The following KIAA1549 variants were observed in gnomAD, a reference collection of about 807,000 sequenced individuals.
KIAA1549 encodes the protein UPF0606 protein KIAA1549.
In KIAA1549, 70 loss-of-function variants were observed where a neutral mutation model predicts 156.4. The ratio of observed to expected loss-of-function variants is 0.45; its 90% CI spans 0.37 to 0.55. The LOEUF (loss-of-function observed/expected upper bound fraction) is 0.55. KIAA1549 is among the 20% of genes least tolerant of loss of function. The probability of loss-of-function intolerance (pLI) is 0.00; values close to 1 mark genes in which losing one functional copy is unlikely to be tolerated. For synonymous variants in KIAA1549, 1,103 were observed against 1,066.4 expected (o/e 1.03, Z -0.67); for missense variants, 2,428 against 2,540.9 (o/e 0.96, Z 0.96).
intron 17 of KIAA1549, among the ~76,000 whole-genome samples, chr7:138,848,725 T>C (rs1436517638): frequency 6.6e-6 from 1 of 152,214 alleles, no homozygotes; most frequent in Non-Finnish European, 1.5e-5. Context: ...TCTATTTTTT[T>C]AGAAGAGTTT....
chr7:138,895,073 C>T (rs1811646785), intron 9 of KIAA1549, among the ~76,000 whole-genome samples: 1 of 152,196 alleles, frequency 6.6e-6, no homozygotes, highest in African/African-American at 2.4e-5. Flanking sequence ...CTCCAAGTTT[C>T]TCATGTTCAC....
At chr7:138,874,134 C>A (rs1811015276) in intron 12 of KIAA1549, among the ~76,000 whole-genome samples, 2 of 149,090 alleles carry the variant, frequency 1.3e-5, no homozygotes, top group South Asian at 4.2e-4. Flanking sequence ...CTATGCATTG[C>A]ACAATTTTTC....
chr7:138,948,456 T>C (rs1049483250), intron 1 of KIAA1549, among the ~76,000 whole-genome samples: 3 of 152,274 alleles, frequency 2.0e-5, no homozygotes, highest in East Asian at 3.9e-4. Flanking sequence ...AGAGGTAGCA[T>C]GGCCCCGCCA....
At chr7:138,844,525 G>A (rs1452078461) in intron 17 of KIAA1549, 51 bp from the exon 18 acceptor site, 11 of 1,452,720 alleles carry the variant, frequency 7.6e-6, no homozygotes, top group Admixed American at 2.7e-5. Context: ...CCCTGGCCTT[G>A]GTATTCCATG....
chr7:138,831,761 A>C lies in KIAA1549; in HGVS notation c.*6145T>G. ...AAACATGGACCTTGACAAAGGAGGG[A>C]GAGACAAGTCAGTACTCCAGGGCAG... On this transcript the variant is annotated 3_prime_UTR_variant, in exon 20 of 20. Transcript: ENST00000422774. 4.3e-6 allele frequency: 1 copy of C among 232,140 alleles called. No individual in the cohort carries two copies. Among genetic ancestry groups the C allele is most frequent in the Non-Finnish European group, 8.5e-6 (1 of 117,352 alleles). 14.4% of individuals were successfully genotyped at this position (232,140 alleles called of 1,614,324 possible).
At position 138,918,436 on chromosome 7, in the gene KIAA1549, G is replaced by C; in HGVS notation, c.1190C>G (p.Ser397Ter). ...SSKTSELHSN[S>*]ALPGPVDNTH... ...GTTGTCCACAGGACCGGGGAGGGCT[G>C]AATTGCTATGCAATTCGGATGTTTT... is the stretch of plus-strand genomic sequence containing the variant. Residue 397 changes from serine to a stop codon, truncating the protein, a stop_gained, in exon 2 of 20, where the codon TCA (serine) becomes TGA (stop). Transcript: ENST00000422774. LOFTEE classifies it high-confidence loss of function. The surrounding 1 kb of genome is among the most constrained non-coding windows in gnomAD (Gnocchi z 4.2). 6.2e-7 allele frequency: 1 copy of C among 1,613,998 alleles called. No individual in the cohort carries two copies. The highest frequency in any genetic ancestry group is 8.5e-7 in the Non-Finnish European group (1 of 1,179,890).
chr7:138,963,849 G>A (rs977255996), intron 1 of KIAA1549, among the ~76,000 whole-genome samples: 1 of 152,038 alleles, frequency 6.6e-6, no homozygotes, highest in African/African-American at 2.4e-5. Context: ...AAACAGCATA[G>A]TCAACACAAA....
At position 138,925,829 on chromosome 7, in the gene KIAA1549, CAAAAAAAAAAA is replaced by C. The variant is rs59066216; in HGVS notation, c.188-6402_188-6392del. Among the ~76,000 whole-genome samples the C allele has an allele frequency of 4.4e-3, 196 of 44,608 alleles. 1 individual carries two copies. Among genetic ancestry groups the C allele is most frequent in the Admixed American group, 7.5e-3 (23 of 3,060 alleles). 29.3% of individuals were successfully genotyped at this position (44,608 alleles called of 152,430 possible). On this transcript the variant is annotated intron_variant, in intron 1 of 19. Coordinates refer to ENST00000422774, the MANE Select transcript of KIAA1549 (RefSeq NM_001164665.2). The stretch of plus-strand genomic sequence containing the variant: ...TGGGCAACAGAGCCAGATCCTGTCT[CAAAAAAAAAAA>C]AAAAAAAAAAAAAAAAAAAAGACTA...
intron 1 of KIAA1549, among the ~76,000 whole-genome samples, chr7:138,976,369 A>T (rs1171260402): frequency 3.3e-5 from 5 of 151,880 alleles, no homozygotes; most frequent in Non-Finnish European, 5.9e-5. Flanking sequence ...CCTCAACATA[A>T]CGATTTTAAA....
At position 138,891,205 on chromosome 7, in the gene KIAA1549, G is replaced by A. The variant is rs1441601140; in HGVS notation, c.4032+3137C>T. ...TGGTAACTGAGCCGGATCTGGTGTGGCTCACAGCAAATGCTCAATGTTTGG... is the reference window on the plus strand; with the variant it reads ...TGGTAACTGAGCCGGATCTGGTGTGACTCACAGCAAATGCTCAATGTTTGG... On this transcript the variant is annotated intron_variant, in intron 10 of 19. Transcript: ENST00000422774. Among the ~76,000 whole-genome samples the A allele has an allele frequency of 4.6e-5, 7 of 152,358 alleles. No individual in the cohort carries two copies. In the South Asian group the frequency reaches 1.0e-3, roughly 23 times the overall value.
chr7:138,951,563 C>A (rs1200169838), intron 1 of KIAA1549, among the ~76,000 whole-genome samples: 1 of 152,182 alleles, frequency 6.6e-6, no homozygotes, highest in Non-Finnish European at 1.5e-5. Flanking sequence ...GCTCCCCAAT[C>A]GTGCTGGCTT....
Position 138,919,019 on chromosome 7 carries a change from A to C in KIAA1549, c.607T>G (p.Leu203Val). Residue 203 changes from leucine (L) to valine (V), a missense_variant, in exon 2 of 20, where the codon TTA becomes GTA. Physicochemically the swap from Leu to Val is conservative, Grantham distance 32. Coordinates refer to ENST00000422774, the MANE Select transcript of KIAA1549 (RefSeq NM_001164665.2). ...MLTPSLPMVSLQDEEVTSGWQ... is the reference protein window; with the variant it reads ...MLTPSLPMVSVQDEEVTSGWQ... The stretch of plus-strand genomic sequence containing the variant: ...CCCGATGTCACTTCTTCATCTTGTA[A>C]AGAAACCATGGGTAATGATGGAGTG... 1 of 1,613,994 alleles carries C rather than the reference A, an allele frequency of 6.2e-7. No homozygotes were observed. The highest frequency in any genetic ancestry group is 8.5e-7 in the Non-Finnish European group (1 of 1,179,882).
intron 10 of KIAA1549, among the ~76,000 whole-genome samples, chr7:138,885,241 A>T (rs1480746283): frequency 6.6e-6 from 1 of 152,138 alleles, no homozygotes; most frequent in Admixed American, 6.5e-5. Flanking sequence ...TTCAAAAAAT[A>T]ATAATAATAA....
intron 1 of KIAA1549, among the ~76,000 whole-genome samples, chr7:138,971,116 G>C (rs1214636865): frequency 6.6e-6 from 1 of 152,148 alleles, no homozygotes; most frequent in Non-Finnish European, 1.5e-5. Context: ...CACCCAGGCT[G>C]CTGGAGGGAC....
intron 18 of KIAA1549, among the ~76,000 whole-genome samples, chr7:138,843,924 AAG>A (rs1351190854): frequency 2.6e-5 from 4 of 152,190 alleles, no homozygotes; most frequent in Non-Finnish European, 5.9e-5. Flanking sequence ...GTTTTGAGAT[AAG>A]AGTTTTGCTC....
intron 6 of KIAA1549, 132 bp from the exon 7 acceptor site, chr7:138,905,213 G>GA: frequency 1.5e-6 from 1 of 675,594 alleles, no homozygotes; most frequent in South Asian, 1.7e-5. Context: ...AGATTAGCGT[G>GA]AGGACGTGGA....
Position 138,837,480 on chromosome 7 carries a change from A to C in KIAA1549, c.*426T>G. The C allele has an allele frequency of 3.6e-6, 1 of 274,606 alleles. No individual in the cohort carries two copies. Among genetic ancestry groups the C allele is most frequent in the Non-Finnish European group, 6.8e-6 (1 of 146,542 alleles). 17.0% of individuals were successfully genotyped at this position (274,606 alleles called of 1,614,324 possible). A position where few individuals can be genotyped will look rare whatever the true frequency, so the allele number is the denominator to read the frequency against. On this transcript the variant is annotated 3_prime_UTR_variant, in exon 20 of 20. Transcript: ENST00000422774. ...TTAAGCTGTTAATAAAATGTCTTCA[A>C]ACCTCTTCTCAGAAAACAAAGCAGC...
chr7:138,877,351 A>G (rs1457631586), intron 12 of KIAA1549, among the ~76,000 whole-genome samples: 1 of 152,110 alleles, frequency 6.6e-6, no homozygotes, highest in Non-Finnish European at 1.5e-5. Flanking sequence ...AAAATTGGCC[A>G]GGTGTGGTGG....
At chr7:138,920,171 C>CT (rs1458239429) in intron 1 of KIAA1549, among the ~76,000 whole-genome samples, 3 of 45,864 alleles carry the variant, frequency 6.5e-5, no homozygotes, top group Admixed American at 4.9e-4. Context: ...GAATGCCCTT[C>CT]CCAGCTCTCT....
Sources: gnomAD v4.1 joint callset for allele counts (sites outside exome capture counted in the v4.1 genomes callset) on GRCh38, gnomAD v4.1.1 for gene constraint, Gnocchi (gnomAD v3.1) non-coding constraint, MANE v1.5 for transcripts, NCBI Gene and HGNC (gene_info 2026-07-23, HGNC 2026-07-21) for gene names.